Variants in ZNF136 observed in about 807,000 individuals in gnomAD.
ZNF136 encodes the protein zinc finger protein 136 (clone pHZ-20).
A neutral mutation model predicts 11.4 loss-of-function variants in ZNF136; 8 were observed. The observed-to-expected ratio is 0.70, with a 90% CI of 0.41 to 1.27. ZNF136 has a LOEUF of 1.27. ZNF136 is among the 50% of genes most tolerant of loss of function. The pLI, the probability that ZNF136 is intolerant of heterozygous loss-of-function variation, is 0.01. For synonymous variants in ZNF136, 190 were observed against 207.1 expected (o/e 0.92, Z 0.71); for missense variants, 590 against 656.5 (o/e 0.90, Z 1.11).
chr19:12,167,730 G>A (rs909438453), intron 1 of ZNF136, among the ~76,000 whole-genome samples: 6 of 152,076 alleles, frequency 3.9e-5, no homozygotes, highest in East Asian at 3.9e-4. Flanking sequence ...ACCACACCCC[G>A]TCTCTACCTA....
At chr19:12,172,104 G>A (rs1412358822) in intron 1 of ZNF136, among the ~76,000 whole-genome samples, 2 of 151,256 alleles carry the variant, frequency 1.3e-5, no homozygotes, top group Non-Finnish European at 2.9e-5. Context: ...TCAGCCTTCC[G>A]AGTAGCTGGG....
rs961852475 is a variant in ZNF136 at position 12,166,850 on chromosome 19, A to G, written c.3+3644A>G. 4.6e-5 allele frequency among the ~76,000 whole-genome samples: 7 copies of G among 152,002 alleles called. No homozygotes were observed. The South Asian group carries it at 1.5e-3, about 32-fold the overall frequency. On this transcript the variant is annotated intron_variant, in intron 1 of 3. Transcript: ENST00000343979. ...TTTTCTTTAAATATCCACATGAGGT[A>G]TGTAAAGGGAAGTGGGTAGCCTTGA...
chr19:12,182,163 ATTTCT>A (rs1440110376), intron 1 of ZNF136, among the ~76,000 whole-genome samples: 1 of 152,198 alleles, frequency 6.6e-6, no homozygotes, highest in Non-Finnish European at 1.5e-5. Context: ...TTTTATAAAG[ATTTCT>A]TTTATGTTTG....
rs1411362794 is a variant in ZNF136, at chr19:12,188,183, A to G, written c.*182A>G. ...CTTTCAATCATTTTAGTTCCTTTCA[A>G]ATACATGAAAGAACTCATCATGGAG... On this transcript the variant is annotated 3_prime_UTR_variant, in exon 4 of 4. Coordinates refer to ENST00000343979, the MANE Select transcript of ZNF136 (RefSeq NM_003437.5). 2.1e-6 allele frequency: 1 copy of G among 471,826 alleles called. No homozygotes were observed. Among genetic ancestry groups the G allele is most frequent in the South Asian group, 6.7e-5 (1 of 14,958 alleles). 29.2% of individuals were successfully genotyped at this position (471,826 alleles called of 1,614,324 possible). A position where few individuals can be genotyped will look rare whatever the true frequency, so the allele number is the denominator to read the frequency against.
chr19:12,172,991 A>T (rs918256293), intron 1 of ZNF136, among the ~76,000 whole-genome samples: 2 of 152,112 alleles, frequency 1.3e-5, no homozygotes, highest in African/African-American at 4.8e-5. Context: ...CAGCCTGGCG[A>T]CAGAGCCAGA....
intron 1 of ZNF136, among the ~76,000 whole-genome samples, chr19:12,178,787 G>C (rs951197582): frequency 6.6e-6 from 1 of 152,000 alleles, no homozygotes; most frequent in Non-Finnish European, 1.5e-5. Context: ...TCAGGAGATC[G>C]AGACCATCCT....
chr19:12,178,758 A>G (rs1914861686), intron 1 of ZNF136, among the ~76,000 whole-genome samples: 1 of 152,112 alleles, frequency 6.6e-6, no homozygotes, highest in Non-Finnish European at 1.5e-5. Flanking sequence ...TGGGAGGCTG[A>G]GGTGGGTGGA....
intron 1 of ZNF136, among the ~76,000 whole-genome samples, chr19:12,179,012 G>GA (rs577812140): frequency 8.0e-4 from 103 of 128,096 alleles, no homozygotes; most frequent in Middle Eastern, 4.1e-3. Context: ...AAGAAAGAAA[G>GA]AAAAAAAAAA....
Position 12,187,627 on chromosome 19 carries a change from G to A in ZNF136, c.1249G>A (p.Glu417Lys). 1 of 1,614,072 alleles carries A rather than the reference G, an allele frequency of 6.2e-7. No individual in the cohort carries two copies. The highest frequency in any genetic ancestry group is 8.5e-7 in the Non-Finnish European group (1 of 1,179,998). The change falls in exon 4 of 4, where the codon GAG becomes AAG. Residue 417 changes from glutamate (E) to lysine (K), a missense_variant. Physicochemically the swap from Glu to Lys is moderately conservative, Grantham distance 56 (BLOSUM62 1). Transcript: ENST00000343979. ...AATACATGAAAGAACTCACACTGGA[G>A]AGAAACCTTATGTATGTAAACATTG... is the stretch of plus-strand genomic sequence containing the variant. ...FRIHERTHTGEKPYVCKHCGK... is the reference protein window; with the variant it reads ...FRIHERTHTGKKPYVCKHCGK...
intron 1 of ZNF136, among the ~76,000 whole-genome samples, chr19:12,170,733 G>A (rs904495886): frequency 3.3e-5 from 5 of 149,978 alleles, no homozygotes; most frequent in Admixed American, 6.6e-5. Flanking sequence ...GCAGTGGCGC[G>A]ATCTCAGCTC....
chr19:12,187,427 C>T lies in ZNF136; in HGVS notation c.1049C>T (p.Thr350Ile). 1.2e-6 allele frequency: 2 copies of T among 1,613,800 alleles called. No individual in the cohort carries two copies. Among genetic ancestry groups the T allele is most frequent in the Non-Finnish European group, 1.7e-6 (2 of 1,179,908 alleles). Residue 350 changes from threonine to isoleucine, a missense_variant, in exon 4 of 4, where the codon ACC (threonine) becomes ATC (isoleucine). By Grantham distance (89) the Thr-to-Ile change is moderately conservative. Coordinates refer to ENST00000343979, the MANE Select transcript of ZNF136 (RefSeq NM_003437.5). ...QCGKAFRSAS[T>I]FQIHERTHTG... ...GGTAAAGCCTTTAGATCTGCCAGTA[C>T]CTTTCAAATACATGAAAGGACTCAC...
At chr19:12,166,319 A>G (rs1392291544) in intron 1 of ZNF136, among the ~76,000 whole-genome samples, 1 of 152,072 alleles carries the variant, frequency 6.6e-6, no homozygotes, top group Non-Finnish European at 1.5e-5. Flanking sequence ...TATGTGTAGT[A>G]TGTTTGTCAG....
At chr19:12,180,331 C>T (rs1385559456) in intron 1 of ZNF136, among the ~76,000 whole-genome samples, 1 of 152,166 alleles carries the variant, frequency 6.6e-6, no homozygotes, top group Admixed American at 6.5e-5. Flanking sequence ...TTTCAATATG[C>T]CTCATATGCC....
rs942883292 is a variant in ZNF136 at position 12,170,228 on chromosome 19, T to G, written c.3+7022T>G. On this transcript the variant is annotated intron_variant, in intron 1 of 3. Transcript: ENST00000343979. The stretch of plus-strand genomic sequence containing the variant: ...CAGGCGTGAGCCACCGCGCCCGGCC[T>G]TTTGTGGTTTCTTTGCCTCAGTCCG... Among the ~76,000 whole-genome samples the G allele has an allele frequency of 4.0e-4, 61 of 151,682 alleles. 1 individual carries two copies. Among genetic ancestry groups the G allele is most frequent in the South Asian group, 2.9e-3 (14 of 4,792 alleles).
At chr19:12,173,113 G>A (rs897641785) in intron 1 of ZNF136, among the ~76,000 whole-genome samples, 7 of 152,152 alleles carry the variant, frequency 4.6e-5, no homozygotes, top group Non-Finnish European at 8.8e-5. Flanking sequence ...CTGTCAGTGG[G>A]GAGCAAGGGA....
intron 1 of ZNF136, among the ~76,000 whole-genome samples, chr19:12,179,231 GTCA>G (rs1344978017): frequency 6.6e-6 from 1 of 151,620 alleles, no homozygotes; most frequent in Non-Finnish European, 1.5e-5. Flanking sequence ...ATAAAAAAAA[GTCA>G]TCATAAATAT....
In ZNF136 at chr19:12,187,702, CATACTG is replaced by C; in HGVS notation, c.1325_1330del (p.His442_Gly444delinsArg). ...ATCAATTCGAATACATGAAAGAACT[CATACTG>C]GAGAGAAACCCTATGAGTGTAAGCA... is the stretch of plus-strand genomic sequence containing the variant. On this transcript the variant is annotated inframe_deletion, in exon 4 of 4. Transcript: ENST00000343979. The C allele has an allele frequency of 6.2e-7, 1 of 1,614,102 alleles. No individual in the cohort carries two copies. The highest frequency in any genetic ancestry group is 8.5e-7 in the Non-Finnish European group (1 of 1,180,022).
chr19:12,166,218 A>G (rs779783399), intron 1 of ZNF136, among the ~76,000 whole-genome samples: 1 of 149,916 alleles, frequency 6.7e-6, no homozygotes, highest in South Asian at 2.1e-4. Flanking sequence ...ACAGAGCAAG[A>G]CTCCGTCTCA....
chr19:12,166,513 A>G (rs1009706727), intron 1 of ZNF136, among the ~76,000 whole-genome samples: 6 of 152,226 alleles, frequency 3.9e-5, no homozygotes, highest in African/African-American at 1.4e-4. Context: ...CAAAACATCA[A>G]TTTCTCTTGC....
Sources: allele counts gnomAD v4.1 joint callset (sites outside exome capture counted in the v4.1 genomes callset), GRCh38; gene constraint gnomAD v4.1.1; transcripts MANE v1.5; gene names NCBI Gene and HGNC (gene_info 2026-07-23, HGNC 2026-07-21).